Variants in PTAR1 observed in about 807,000 individuals in gnomAD.
The protein encoded by PTAR1 is protein prenyltransferase alpha subunit repeat-containing protein 1.
Under a neutral mutation model 45.5 loss-of-function variants are expected in PTAR1, and 17 were observed. The observed-to-expected ratio is 0.37, with a 90% confidence interval of 0.26 to 0.56. The LOEUF (loss-of-function observed/expected upper bound fraction) is 0.56, where lower values mean the gene tolerates loss of function less well. Ranked by LOEUF, PTAR1 falls within the 20% of genes least tolerant of loss-of-function variation. The pLI is 0.77. For missense variants in PTAR1, 391 were observed against 476.3 expected (o/e 0.82, Z 1.67); for synonymous variants, 169 against 171.3 (o/e 0.99, Z 0.11).
rs1274847000 is a variant in PTAR1, at chr9:69,716,298, A to G, written c.*2044T>C. ...AAATCATAAACTTATGATTTTATCCATAGAGGTCTAGGTGGACCTTGAGGT... is the reference window on the plus strand; with the variant it reads ...AAATCATAAACTTATGATTTTATCCGTAGAGGTCTAGGTGGACCTTGAGGT... On this transcript the variant is annotated 3_prime_UTR_variant, in exon 8 of 8. Transcript: ENST00000340434. The G allele has an allele frequency of 6.6e-6, 1 of 152,142 alleles. No homozygotes were observed. Among genetic ancestry groups the G allele is most frequent in the African/African-American group, 2.4e-5 (1 of 41,440 alleles). The allele number at this position is 152,142 out of a possible 1,614,324, so 9.4% of individuals were successfully genotyped here.
intron 2 of PTAR1, among the ~76,000 whole-genome samples, chr9:69,746,743 A>C (rs1476209339): frequency 6.6e-6 from 1 of 152,214 alleles, no homozygotes; most frequent in Non-Finnish European, 1.5e-5. Flanking sequence ...AAAGTAGCTA[A>C]ATTTCAGCTA....
intron 2 of PTAR1, among the ~76,000 whole-genome samples, chr9:69,749,684 C>A (rs1320868820): frequency 6.6e-6 from 1 of 152,000 alleles, no homozygotes; most frequent in Non-Finnish European, 1.5e-5. Context: ...GTGTTATTAA[C>A]CAATTAATGA....
chr9:69,758,180 C>T (rs891194797), intron 1 of PTAR1: 1 of 152,188 alleles, frequency 6.6e-6, no homozygotes, highest in African/African-American at 2.4e-5. Flanking sequence ...ATGTTCCAAA[C>T]TGCACTGTGT....
chr9:69,714,975 T>A lies in PTAR1; in HGVS notation c.*3367A>T, dbSNP rs1162914068. On this transcript the variant is annotated 3_prime_UTR_variant, in exon 8 of 8. Coordinates refer to ENST00000340434, the MANE Select transcript of PTAR1 (RefSeq NM_001099666.2). ...TGATATGTGCACAGGTACAGATCAG[T>A]AAGTCACTGAAATCAAAGAATTTCT... 3 of 151,934 alleles carry A rather than the reference T, an allele frequency of 2.0e-5. No individual in the cohort carries two copies. The highest frequency in any genetic ancestry group is 4.4e-5 in the Non-Finnish European group (3 of 67,996). The allele number at this position is 151,934 out of a possible 1,614,324, so 9.4% of individuals were successfully genotyped here.
chr9:69,759,786 T>C lies in PTAR1; in HGVS notation c.86+67A>G, dbSNP rs1003652064. On this transcript the variant is annotated intron_variant, in intron 1 of 7. Coordinates refer to ENST00000340434, the MANE Select transcript of PTAR1 (RefSeq NM_001099666.2). The stretch of plus-strand genomic sequence containing the variant: ...TGTCCGCCCGCCGCCCGAGGTCGGG[T>C]GGACGCTTGGCCCCGCCCCCGCCCG... 1.1e-5 allele frequency: 16 copies of C among 1,445,380 alleles called. No individual in the cohort carries two copies. The African/African-American group carries it at 2.1e-4, about 19-fold the overall frequency. The allele number at this position is 1,445,380 out of a possible 1,614,324, so 89.5% of individuals were successfully genotyped here. A position where few individuals can be genotyped will look rare whatever the true frequency, so the allele number is the denominator to read the frequency against.
At chr9:69,750,746 A>G (rs745702410) in intron 2 of PTAR1, 35 bp downstream of exon 2, 582 of 1,537,164 alleles carry the variant, frequency 3.8e-4, no homozygotes, top group Non-Finnish European at 5.0e-4. Context: ...TGTCGCTTCT[A>G]AAAACCAAAT....
At chr9:69,743,022 C>A (rs1826112068) in intron 2 of PTAR1, among the ~76,000 whole-genome samples, 2 of 152,030 alleles carry the variant, frequency 1.3e-5, no homozygotes, top group Non-Finnish European at 2.9e-5. Flanking sequence ...GGGCACAGTA[C>A]TAAATTAAGG....
At chr9:69,743,674 A>G (rs563608591) in intron 2 of PTAR1, among the ~76,000 whole-genome samples, 1 of 152,312 alleles carries the variant, frequency 6.6e-6, no homozygotes, top group Admixed American at 6.5e-5. Context: ...CTTAATGTTT[A>G]TCAAGAAAAA....
intron 2 of PTAR1, among the ~76,000 whole-genome samples, chr9:69,743,549 G>A (rs1458300891): frequency 3.3e-5 from 5 of 152,028 alleles, no homozygotes; most frequent in Non-Finnish European, 5.9e-5. Flanking sequence ...ACAAACAGTA[G>A]GATCAGTACA....
intron 3 of PTAR1, 130 bp from the exon 4 acceptor site, chr9:69,734,384 AAG>A (rs1825687203): frequency 2.1e-6 from 1 of 487,450 alleles, no homozygotes; most frequent in South Asian, 5.0e-5. Flanking sequence ...CAAAAAAAGA[AAG>A]AAAAAAAGCC....
intron 6 of PTAR1, among the ~76,000 whole-genome samples, chr9:69,722,472 A>G (rs914588700): frequency 5.9e-5 from 9 of 152,278 alleles, no homozygotes; most frequent in Middle Eastern, 3.4e-3. Context: ...CCCCTCTCTC[A>G]AAGAGAAATT....
At chr9:69,719,866 T>C (rs1310007410) in intron 6 of PTAR1, among the ~76,000 whole-genome samples, 1 of 152,196 alleles carries the variant, frequency 6.6e-6, no homozygotes, top group Non-Finnish European at 1.5e-5. Context: ...TTGATGTTAC[T>C]ACTATAACTA....
chr9:69,720,656 T>C (rs962336519), intron 6 of PTAR1, among the ~76,000 whole-genome samples: 3 of 152,204 alleles, frequency 2.0e-5, no homozygotes, highest in Non-Finnish European at 4.4e-5. Context: ...GAGAAATCCA[T>C]GCCTAGCTTC....
chr9:69,750,699 C>G, intron 2 of PTAR1, 82 bp downstream of exon 2: 1 of 972,082 alleles, frequency 1.0e-6, no homozygotes, highest in Non-Finnish European at 1.5e-6. Context: ...TCCAGGAATG[C>G]TGACACTCAG....
chr9:69,748,194 T>C (rs1406843397), intron 2 of PTAR1, among the ~76,000 whole-genome samples: 2 of 151,938 alleles, frequency 1.3e-5, no homozygotes, highest in Non-Finnish European at 2.9e-5. Flanking sequence ...AGCTCAGATA[T>C]AGACTAAGTG....
At chr9:69,736,753 G>A (rs1180192867) in intron 3 of PTAR1, among the ~76,000 whole-genome samples, 2 of 151,940 alleles carry the variant, frequency 1.3e-5, no homozygotes, top group Non-Finnish European at 2.9e-5. Flanking sequence ...TAAATTATGG[G>A]CACTCTCTTT....
chr9:69,751,952 A>T (rs1467163089), intron 1 of PTAR1, among the ~76,000 whole-genome samples: 1 of 152,086 alleles, frequency 6.6e-6, no homozygotes. Flanking sequence ...AAACGTAAAA[A>T]ATTTGTGCAA....
At chr9:69,729,915 C>T (rs916083108) in intron 5 of PTAR1, among the ~76,000 whole-genome samples, 1 of 152,134 alleles carries the variant, frequency 6.6e-6, no homozygotes, top group African/African-American at 2.4e-5. Flanking sequence ...TTGAATAATG[C>T]TCATTTTCAT....
At chr9:69,743,975 G>A (rs1351040781) in intron 2 of PTAR1, among the ~76,000 whole-genome samples, 1 of 152,158 alleles carries the variant, frequency 6.6e-6, no homozygotes, top group Non-Finnish European at 1.5e-5. Flanking sequence ...TAAATAAAGT[G>A]GTCACGGCAC....
Sources: gnomAD v4.1 joint callset for allele counts (sites outside exome capture counted in the v4.1 genomes callset) on GRCh38, gnomAD v4.1.1 for gene constraint, MANE v1.5 for transcripts, NCBI Gene and HGNC (gene_info 2026-07-23, HGNC 2026-07-21) for gene names.